The following HSPG2 variants were observed in gnomAD, a reference collection of about 807,000 sequenced individuals.
HSPG2 encodes the protein heparan sulfate proteoglycan 2.
Under a neutral mutation model 526.6 loss-of-function variants are expected in HSPG2, and 278 were observed. That is an observed-to-expected ratio of 0.53 (90% CI 0.48 to 0.58). The LOEUF (loss-of-function observed/expected upper bound fraction) is 0.58, where lower values mean the gene tolerates loss of function less well. HSPG2 is among the 20% of genes least tolerant of loss of function. HSPG2 has a pLI of 0.00. For synonymous variants in HSPG2, 2,465 were observed against 2,555.4 expected (o/e 0.96, Z 1.07); for missense variants, 5,354 against 6,099.5 (o/e 0.88, Z 4.07).
At chr1:21,897,682 T>C (rs1481314115) in intron 1 of HSPG2, among the ~76,000 whole-genome samples, 1 of 152,138 alleles carries the variant, frequency 6.6e-6, no homozygotes, top group African/African-American at 2.4e-5. Context: ...ATTCCATTTA[T>C]ATGAACCCTT....
chr1:21,902,372 G>A (rs917910231), intron 1 of HSPG2, among the ~76,000 whole-genome samples: 4 of 152,208 alleles, frequency 2.6e-5, no homozygotes, highest in Non-Finnish European at 5.9e-5. Flanking sequence ...CAAGGAGAGG[G>A]TCCAACACGC....
Position 21,887,802 on chromosome 1 carries a change from G to A in HSPG2, c.704-128C>T. 1 of 1,560,706 alleles carries A rather than the reference G, an allele frequency of 6.4e-7. No individual in the cohort carries two copies. The highest frequency in any genetic ancestry group is 1.1e-5 in the South Asian group (1 of 89,452). ...TCCCTGCCACCCCCTGCCTGGCTCTGTCATCACCCTTCCTATGCCCCCATC... is the reference window on the plus strand; with the variant it reads ...TCCCTGCCACCCCCTGCCTGGCTCTATCATCACCCTTCCTATGCCCCCATC... On this transcript the variant is annotated intron_variant, in intron 7 of 96. Transcript: ENST00000374695. The surrounding 1 kb of genome is among the most constrained non-coding windows in gnomAD (Gnocchi z 5.0).
Position 21,874,924 on chromosome 1 carries a change from G to A in HSPG2, c.3381C>T (p.Ser1127=). The A allele has an allele frequency of 6.2e-7, 1 of 1,613,044 alleles. No individual in the cohort carries two copies. ...ACGGCCCACGGTACCCGGGTGGGCA[G>A]GAGCACTGTTCCACTTCCAGCGCGG... The part of the protein sequence containing the change: ...QDPALEVEQC[S]CPPGYRGPSC... Residue 1127 remains serine, a synonymous_variant, in exon 26 of 97, where the codon TCC becomes TCT. Transcript: ENST00000374695.
chr1:21,836,562 A>G (rs1198782553), intron 75 of HSPG2, among the ~76,000 whole-genome samples: 1 of 152,140 alleles, frequency 6.6e-6, no homozygotes, highest in Non-Finnish European at 1.5e-5. Context: ...ACCTCAGGTG[A>G]TCTGCCCGCC....
chr1:21,844,878 T>G (rs1572201349), intron 64 of HSPG2, among the ~76,000 whole-genome samples: 1 of 152,366 alleles, frequency 6.6e-6, no homozygotes, highest in East Asian at 1.9e-4. Flanking sequence ...CCCCTTATCA[T>G]GATTTCTGCA....
At chr1:21,860,372 A>C in intron 39 of HSPG2, 137 bp from the exon 40 acceptor site, 1 of 729,614 alleles carries the variant, frequency 1.4e-6, no homozygotes, top group Admixed American at 2.3e-5. Flanking sequence ...CACTTTGGGG[A>C]CCAGACAGGC....
rs1642691019 is a variant in HSPG2 at position 21,895,609 on chromosome 1, G to A, written c.244+313C>T. On this transcript the variant is annotated intron_variant, in intron 3 of 96. Coordinates refer to ENST00000374695, the MANE Select transcript of HSPG2 (RefSeq NM_005529.7). This position sits in a 1 kb window ranked among gnomAD's most constrained non-coding sequence, Gnocchi z 4.1. ...AGGACTCAACAGCTGAGCTGCCCTG[G>A]GAGGTGAGAACTTTGCTTTGAATGT... Among the ~76,000 whole-genome samples the A allele has an allele frequency of 6.6e-6, 1 of 152,178 alleles. No homozygotes were observed. Among genetic ancestry groups the A allele is most frequent in the Non-Finnish European group, 1.5e-5 (1 of 68,014 alleles).
intron 3 of HSPG2, among the ~76,000 whole-genome samples, chr1:21,894,493 G>A (rs935296745): frequency 6.6e-6 from 1 of 152,164 alleles, no homozygotes; most frequent in African/African-American, 2.4e-5. Flanking sequence ...GGTTTGGCCT[G>A]GAGGGTCTGA....
At chr1:21,853,929 C>T (rs1639123535) in intron 50 of HSPG2, 1 of 511,096 alleles carries the variant, frequency 2.0e-6, no homozygotes, top group Non-Finnish European at 3.5e-6. Context: ...CCAGGTCAGC[C>T]GACTCCCAGC....
At position 21,924,303 on chromosome 1, in the gene HSPG2, T is replaced by C. The variant is rs1306107405; in HGVS notation, c.63+12852A>G. On this transcript the variant is annotated intron_variant, in intron 1 of 96. Transcript: ENST00000374695. ...GCATGGTCCCTACTCTCCGGATGCC[T>C]TGGATCTTGTTGGAGAGGCAGGACT... Among the ~76,000 whole-genome samples, 4 of 152,188 alleles carry C rather than the reference T, an allele frequency of 2.6e-5. No individual in the cohort carries two copies. The South Asian group carries it at 6.2e-4, about 24-fold the overall frequency.
intron 1 of HSPG2, among the ~76,000 whole-genome samples, chr1:21,903,707 G>A (rs1389072730): frequency 6.6e-6 from 1 of 152,230 alleles, no homozygotes; most frequent in African/African-American, 2.4e-5. Flanking sequence ...GTGGAATGAG[G>A]CGGTGATCTC....
chr1:21,830,530 A>C, intron 85 of HSPG2: 1 of 271,166 alleles, frequency 3.7e-6, no homozygotes, highest in Non-Finnish European at 7.2e-6. Context: ...TCTACTAAAA[A>C]TGCAAAAAAT....
In HSPG2 at chr1:21,823,692, G is replaced by A. The variant is rs369664034; in HGVS notation, c.12927C>T (p.Val4309=). Residue 4309 remains valine, a synonymous_variant, in exon 96 of 97, where the codon GTC becomes GTT. Transcript: ENST00000374695. ...GGCCGCTGACCAGCTCCTCACCGTC[G>A]ACTTGGATGGAACCTCTGCGGCCCT... ...LREGRRGSIQ[V]DGEELVSGRS... The A allele has an allele frequency of 1.5e-5, 25 of 1,613,500 alleles. No individual in the cohort carries two copies. The highest frequency in any genetic ancestry group is 1.6e-4 in the Middle Eastern group (1 of 6,084).
chr1:21,855,935 A>G (rs1639305771), intron 44 of HSPG2, 23 bp from the exon 45 acceptor site: 3 of 1,604,350 alleles, frequency 1.9e-6, no homozygotes, highest in Non-Finnish European at 2.5e-6. Context: ...GAAAAGGAAC[A>G]TGCACTCAGG....
rs1374159374 is a variant in HSPG2, at chr1:21,893,082, C to T, written c.245-2388G>A. On this transcript the variant is annotated intron_variant, in intron 3 of 96. Transcript: ENST00000374695. This position sits in a 1 kb window ranked among gnomAD's most constrained non-coding sequence, Gnocchi z 4.3. Reference sequence around the variant, plus strand: ...CAGGGTAGAAGTGGGGGCTGCACACCTGACTAGCCCTGGCCCCGGAGCAGG... The same window carrying T: ...CAGGGTAGAAGTGGGGGCTGCACACTTGACTAGCCCTGGCCCCGGAGCAGG... Among the ~76,000 whole-genome samples, 1 of 152,108 alleles carries T rather than the reference C, an allele frequency of 6.6e-6. No homozygotes were observed. Among genetic ancestry groups the T allele is most frequent in the African/African-American group, 2.4e-5 (1 of 41,410 alleles).
At chr1:21,867,580 G>T (rs903443901) in intron 33 of HSPG2, among the ~76,000 whole-genome samples, 2 of 152,118 alleles carry the variant, frequency 1.3e-5, no homozygotes, top group African/African-American at 4.8e-5. Context: ...CACAAATGGT[G>T]ATGTACTCCA....
chr1:21,931,581 C>T (rs748585645), intron 1 of HSPG2, among the ~76,000 whole-genome samples: 3 of 152,186 alleles, frequency 2.0e-5, no homozygotes, highest in Non-Finnish European at 4.4e-5. Flanking sequence ...CAGTCTGACC[C>T]CTCATAGCTG....
chr1:21,839,176 G>T lies in HSPG2; in HGVS notation c.9890-91C>A. On this transcript the variant is annotated intron_variant, in intron 73 of 96. Transcript: ENST00000374695. This position sits in a 1 kb window ranked among gnomAD's most constrained non-coding sequence, Gnocchi z 4.5. ...GATCCAGTGTCCAGGGAAGCTGAATGGTGAGCCCAGAGGACTGGGGATAAG... is the reference window on the plus strand; with the variant it reads ...GATCCAGTGTCCAGGGAAGCTGAATTGTGAGCCCAGAGGACTGGGGATAAG... 1 of 1,504,116 alleles carries T rather than the reference G, an allele frequency of 6.6e-7. No homozygotes were observed. Among genetic ancestry groups the T allele is most frequent in the Non-Finnish European group, 9.0e-7 (1 of 1,111,350 alleles). 93.2% of individuals were successfully genotyped at this position (1,504,116 alleles called of 1,614,324 possible).
intron 1 of HSPG2, among the ~76,000 whole-genome samples, chr1:21,928,775 G>C (rs1644272583): frequency 6.8e-6 from 1 of 147,022 alleles, no homozygotes; most frequent in Admixed American, 6.9e-5. Flanking sequence ...TTGAGATGGA[G>C]TTTTGTTCTT....
Sources: gnomAD v4.1 joint callset for allele counts (sites outside exome capture counted in the v4.1 genomes callset) on GRCh38, gnomAD v4.1.1 for gene constraint, Gnocchi (gnomAD v3.1) non-coding constraint, MANE v1.5 for transcripts, NCBI Gene and HGNC (gene_info 2026-07-23, HGNC 2026-07-21) for gene names.